Variants in NCKAP5 observed in about 807,000 individuals in gnomAD.
The protein encoded by NCKAP5 is nck-associated protein 5.
In NCKAP5, 92 loss-of-function variants were observed where a neutral mutation model predicts 167.0. The observed-to-expected ratio is 0.55, with a 90% confidence interval of 0.47 to 0.66. The LOEUF (loss-of-function observed/expected upper bound fraction) is 0.66, where lower values mean the gene tolerates loss of function less well. Ranked by LOEUF, NCKAP5 falls within the 30% of genes least tolerant of loss-of-function variation. The probability of loss-of-function intolerance (pLI) is 0.00; values close to 1 mark genes in which losing one functional copy is unlikely to be tolerated. For missense variants in NCKAP5, 2,378 were observed against 2,315.0 expected (o/e 1.03, Z -0.56); for synonymous variants, 891 against 877.4 (o/e 1.02, Z -0.27).
chr2:133,648,973 G>T, the NCKAP5 span, among the ~76,000 whole-genome samples: 2 of 151,356 alleles, frequency 1.3e-5, no homozygotes, highest in African/African-American at 4.8e-5. Flanking sequence ...GTTTTGAAAA[G>T]ATCAACAAAA....
rs565940476 is a variant in NCKAP5 at position 133,303,985 on chromosome 2, G to A, written c.70-875C>T. Among the ~76,000 whole-genome samples the A allele has an allele frequency of 8.3e-4, 126 of 152,060 alleles. 1 individual carries two copies. In the South Asian group the frequency reaches 0.018, roughly 21 times the overall value. Reference sequence around the variant, plus strand: ...TTCCCTTTCTGTTTAGAGGTCTACCGTGCAGGCCTCTGCTTCTACATTATA... The same window carrying A: ...TTCCCTTTCTGTTTAGAGGTCTACCATGCAGGCCTCTGCTTCTACATTATA... On this transcript the variant is annotated intron_variant, in intron 3 of 19. Transcript: ENST00000409261.
chr2:132,740,968 T>G lies in NCKAP5; in HGVS notation c.5129-8917A>C, dbSNP rs1679133767. 1.3e-5 allele frequency among the ~76,000 whole-genome samples: 2 copies of G among 152,122 alleles called. 1 individual carries two copies. The highest frequency in any genetic ancestry group is 4.1e-4 in the South Asian group (2 of 4,832). ...AAGTTGGTATCCAGTGACTCCAATATTCTTTGTCTGACAGTAGCATCATGT... is the reference window on the plus strand; with the variant it reads ...AAGTTGGTATCCAGTGACTCCAATAGTCTTTGTCTGACAGTAGCATCATGT... On this transcript the variant is annotated intron_variant, in intron 16 of 19. Coordinates refer to ENST00000409261, the MANE Select transcript of NCKAP5 (RefSeq NM_207363.3).
intron 6 of NCKAP5, among the ~76,000 whole-genome samples, chr2:133,055,523 T>C (rs1453054852): frequency 1.3e-5 from 2 of 149,902 alleles, no homozygotes; most frequent in Admixed American, 6.6e-5. Flanking sequence ...TATATATATA[T>C]GAAAGAACTA....
chr2:133,102,744 A>AACACACACACAC (rs3051212), intron 6 of NCKAP5, among the ~76,000 whole-genome samples: 17 of 135,120 alleles, frequency 1.3e-4, no homozygotes, highest in Non-Finnish European at 2.4e-4. Flanking sequence ...CAAGCATGTA[A>AACACACACACAC]ACACACACAC....
At chr2:133,570,148 T>C (rs6740185), upstream of NCKAP5, among the ~76,000 whole-genome samples, 29,595 of 152,158 alleles carry the variant, frequency 0.19, 3,006 homozygotes, top group East Asian at 0.36. Flanking sequence ...GCGTAGAAGG[T>C]GGCATATTGA....
intron 6 of NCKAP5, among the ~76,000 whole-genome samples, chr2:133,095,413 T>TC (rs1441938595): frequency 6.6e-6 from 1 of 152,220 alleles, no homozygotes; most frequent in African/African-American, 2.4e-5. Context: ...CTGGTTTTCA[T>TC]CAACAAAATC....
intron 16 of NCKAP5, among the ~76,000 whole-genome samples, chr2:132,762,551 AAT>A (rs1397399163): frequency 6.6e-6 from 1 of 152,112 alleles, no homozygotes; most frequent in Non-Finnish European, 1.5e-5. Context: ...AAACTTACTT[AAT>A]ATGTCTCACT....
In NCKAP5 at chr2:132,746,448, C is replaced by T. The variant is rs180985054; in HGVS notation, c.5129-14397G>A. ...CCACAAAACATCCAGAAGAAAATATCGGAGTATCTCTGTGGCCTTGGATTA... is the reference window on the plus strand; with the variant it reads ...CCACAAAACATCCAGAAGAAAATATTGGAGTATCTCTGTGGCCTTGGATTA... On this transcript the variant is annotated intron_variant, in intron 16 of 19. Transcript: ENST00000409261. Among the ~76,000 whole-genome samples, 5 of 152,056 alleles carry T rather than the reference C, an allele frequency of 3.3e-5. No homozygotes were observed. In the East Asian group the frequency reaches 9.7e-4, roughly 29 times the overall value.
intron 16 of NCKAP5, among the ~76,000 whole-genome samples, chr2:132,739,221 T>A (rs753272570): frequency 6.6e-6 from 1 of 152,166 alleles, no homozygotes; most frequent in Non-Finnish European, 1.5e-5. Flanking sequence ...GATTCAAGTG[T>A]CTCCATCTTT....
chr2:133,462,415 T>C (rs1692258352), intron 3 of NCKAP5, among the ~76,000 whole-genome samples: 1 of 152,214 alleles, frequency 6.6e-6, no homozygotes, highest in African/African-American at 2.4e-5. Flanking sequence ...TCGCAAGGCA[T>C]TTGAAATTAT....
chr2:132,796,974 T>TAGGAA (rs1185762995), intron 11 of NCKAP5, among the ~76,000 whole-genome samples: 1 of 152,142 alleles, frequency 6.6e-6, no homozygotes, highest in East Asian at 1.9e-4. Context: ...TTGGAAGATA[T>TAGGAA]GTAGTAGAAA....
chr2:133,099,650 A>G (rs1314076804), intron 6 of NCKAP5, among the ~76,000 whole-genome samples: 1 of 152,146 alleles, frequency 6.6e-6, no homozygotes, highest in East Asian at 1.9e-4. Flanking sequence ...GATCAGATAG[A>G]TAGTACTATA....
intron 3 of NCKAP5, among the ~76,000 whole-genome samples, chr2:133,423,366 A>C (rs1689600486): frequency 6.6e-6 from 1 of 152,312 alleles, no homozygotes; most frequent in Admixed American, 6.5e-5. Flanking sequence ...GTTTGATTTC[A>C]GCCCATTAAT....
At chr2:133,089,531 T>C (rs944865419) in intron 6 of NCKAP5, among the ~76,000 whole-genome samples, 7 of 152,194 alleles carry the variant, frequency 4.6e-5, no homozygotes, top group Admixed American at 1.3e-4. Flanking sequence ...GTTGAGGGCA[T>C]AGTCTACCAA....
chr2:132,850,466 C>T (rs561576890), intron 11 of NCKAP5, among the ~76,000 whole-genome samples: 2 of 152,038 alleles, frequency 1.3e-5, no homozygotes, highest in South Asian at 2.1e-4. Context: ...AAGAAGAAGC[C>T]GCAGCCTCTA....
At chr2:133,314,697 G>A (rs1681476724) in intron 3 of NCKAP5, among the ~76,000 whole-genome samples, 1 of 152,240 alleles carries the variant, frequency 6.6e-6, no homozygotes, top group Non-Finnish European at 1.5e-5. Flanking sequence ...GTGCAGGCAA[G>A]TCTCTGCCTG....
chr2:132,959,850 C>G (rs2076460318), intron 8 of NCKAP5, among the ~76,000 whole-genome samples: 2 of 152,270 alleles, frequency 1.3e-5, no homozygotes. Context: ...AAACAGCAGC[C>G]TTGAAAACCC....
intron 6 of NCKAP5, among the ~76,000 whole-genome samples, chr2:133,090,125 C>T (rs566670707): frequency 1.5e-4 from 23 of 151,522 alleles, no homozygotes; most frequent in East Asian, 1.4e-3. Flanking sequence ...CCAACACTTT[C>T]GGAGGCCAAC....
At chr2:133,549,984 C>T (rs1290615361) in intron 2 of NCKAP5, among the ~76,000 whole-genome samples, 1 of 150,514 alleles carries the variant, frequency 6.6e-6, no homozygotes, top group South Asian at 2.1e-4. Flanking sequence ...CGCAAATAAA[C>T]TAGAAAATCT....
Sources: allele counts gnomAD v4.1 joint callset (sites outside exome capture counted in the v4.1 genomes callset), GRCh38; gene constraint gnomAD v4.1.1; transcripts MANE v1.5; gene names NCBI Gene and HGNC (gene_info 2026-07-23, HGNC 2026-07-21).